CPVL: variants seen among roughly 807,000 people sequenced by gnomAD.
The protein encoded by CPVL is probable serine carboxypeptidase CPVL.
In CPVL, 51 loss-of-function variants were observed where a neutral mutation model predicts 63.7. The observed-to-expected ratio is 0.80, with a 90% CI of 0.64 to 1.01. The LOEUF (loss-of-function observed/expected upper bound fraction) is 1.01. Among genes scored for constraint, CPVL ranks in the 50% least tolerant of loss-of-function variants. CPVL has a pLI of 0.00. For missense variants in CPVL, 530 were observed against 573.1 expected (o/e 0.92, Z 0.77); for synonymous variants, 195 against 206.0 (o/e 0.95, Z 0.46).
At chr7:29,180,518 A>C (rs1328739905) in intron 5 of CPVL, among the ~76,000 whole-genome samples, 1 of 151,806 alleles carries the variant, frequency 6.6e-6, no homozygotes, top group African/African-American at 2.4e-5. Context: ...ACAGAGCGAC[A>C]GAGCAACAGA....
intron 12 of CPVL, chr7:29,010,757 T>C (rs1389419640): frequency 6.6e-6 from 1 of 152,192 alleles, no homozygotes; most frequent in East Asian, 1.9e-4. Context: ...CTAATGGCAA[T>C]AGAAACCAAC....
At chr7:29,102,686 G>A (rs1383775874) in intron 3 of CPVL, among the ~76,000 whole-genome samples, 4 of 151,962 alleles carry the variant, frequency 2.6e-5, no homozygotes, top group African/African-American at 9.7e-5. Context: ...GCCCTTTATT[G>A]GAGCACAAGA....
intron 12 of CPVL, among the ~76,000 whole-genome samples, chr7:29,017,569 G>A (rs1405598362): frequency 6.6e-6 from 1 of 152,210 alleles, no homozygotes; most frequent in African/African-American, 2.4e-5. Flanking sequence ...GGAGGTGGAG[G>A]TTGCAGTAAG....
intron 3 of CPVL, among the ~76,000 whole-genome samples, chr7:29,098,377 C>T (rs555702832): frequency 6.6e-6 from 1 of 152,094 alleles, no homozygotes; most frequent in Non-Finnish European, 1.5e-5. Flanking sequence ...GGGGGACCTG[C>T]TACAAGATAG....
At chr7:29,128,175 GTTTTTTTT>G (rs67806252) in intron 1 of CPVL, 155 of 139,680 alleles carry the variant, frequency 1.1e-3, no homozygotes, top group Middle Eastern at 8.1e-3. Flanking sequence ...AAAGTTAAGA[GTTTTTTTT>G]TTTTTTTTTT....
At chr7:29,131,347 T>C (rs750751763) in intron 1 of CPVL, among the ~76,000 whole-genome samples, 14 of 152,306 alleles carry the variant, frequency 9.2e-5, no homozygotes, top group Non-Finnish European at 1.8e-4. Context: ...AATGTGGCAA[T>C]GTCATCAGTT....
intron 5 of CPVL, among the ~76,000 whole-genome samples, chr7:29,161,220 G>T (rs1275114810): frequency 2.0e-5 from 3 of 152,004 alleles, no homozygotes; most frequent in Middle Eastern, 3.2e-3. Context: ...AGCACATGAG[G>T]GTTTGTGCAG....
At chr7:29,113,719 C>T in intron 2 of CPVL, 1 of 152,148 alleles carries the variant, frequency 6.6e-6, no homozygotes, top group Non-Finnish European at 1.5e-5. Context: ...ACACAGCAGT[C>T]AGGCTGCAGA....
At chr7:29,159,039 A>G (rs1434558393) in intron 5 of CPVL, among the ~76,000 whole-genome samples, 1 of 152,212 alleles carries the variant, frequency 6.6e-6, no homozygotes, top group Non-Finnish European at 1.5e-5. Context: ...TATCAGAGAA[A>G]ATTAAAACCT....
chr7:29,146,549 A>G (rs1792695730), upstream of CPVL: 7 of 1,527,022 alleles, frequency 4.6e-6, no homozygotes, highest in Non-Finnish European at 6.2e-6. Context: ...AGGACCCTGC[A>G]GAACTCGAGC....
chr7:29,096,616 C>T (rs942419151), intron 3 of CPVL, among the ~76,000 whole-genome samples: 1 of 152,188 alleles, frequency 6.6e-6, no homozygotes, highest in African/African-American at 2.4e-5. Flanking sequence ...AGAGGCACAA[C>T]AAAGAATCCA....
intron 6 of CPVL, 82 bp downstream of exon 6, chr7:29,092,541 T>C (rs917356020): frequency 4.9e-5 from 47 of 957,618 alleles, no homozygotes; most frequent in African/African-American, 4.7e-4. Flanking sequence ...TCAATAAAAA[T>C]TCCAACACTA....
intron 1 of CPVL, among the ~76,000 whole-genome samples, chr7:29,127,190 A>C (rs773790313): frequency 6.6e-6 from 1 of 152,122 alleles, no homozygotes; most frequent in Non-Finnish European, 1.5e-5. Flanking sequence ...TTGAAATCCC[A>C]CTCCAACCAG....
intron 12 of CPVL, among the ~76,000 whole-genome samples, chr7:29,006,217 C>A (rs535601164): frequency 6.6e-6 from 1 of 152,296 alleles, no homozygotes; most frequent in South Asian, 2.1e-4. Context: ...AGTATTTACA[C>A]TATGGAAATT....
At chr7:29,026,187 A>T (rs1584025261) in intron 12 of CPVL, among the ~76,000 whole-genome samples, 1 of 152,208 alleles carries the variant, frequency 6.6e-6, no homozygotes, top group East Asian at 1.9e-4. Context: ...CTGTATAAAC[A>T]CATGAAAATT....
At position 29,088,968 on chromosome 7, in the gene CPVL, C is replaced by T. The variant is rs549398340; in HGVS notation, c.543-2418G>A. On this transcript the variant is annotated intron_variant, in intron 6 of 12. Coordinates refer to ENST00000265394, the MANE Select transcript of CPVL (RefSeq NM_031311.5). ...CCAGCCTGGCGACATAGTGAGACTC[C>T]GTCTCAATAATAATAATAATACATA... 3.9e-5 allele frequency among the ~76,000 whole-genome samples: 6 copies of T among 152,148 alleles called. No individual in the cohort carries two copies. The East Asian group carries it at 7.8e-4, about 20-fold the overall frequency.
intron 6 of CPVL, among the ~76,000 whole-genome samples, chr7:29,090,160 G>T (rs952184463): frequency 2.0e-5 from 3 of 152,158 alleles, no homozygotes; most frequent in Non-Finnish European, 1.5e-5. Flanking sequence ...ACCACACCTG[G>T]CCACCCTTGA....
chr7:29,020,091 G>A (rs992970010), intron 12 of CPVL, among the ~76,000 whole-genome samples: 5 of 152,254 alleles, frequency 3.3e-5, no homozygotes, highest in South Asian at 4.1e-4. Flanking sequence ...GGGACTTGTC[G>A]CCCTGAAGCA....
At chr7:29,027,065 G>A (rs1787570601) in intron 12 of CPVL, among the ~76,000 whole-genome samples, 1 of 152,074 alleles carries the variant, frequency 6.6e-6, no homozygotes, top group South Asian at 2.1e-4. Flanking sequence ...TCTCCCTAAT[G>A]AATATAGATG....
Sources: allele counts gnomAD v4.1 joint callset (sites outside exome capture counted in the v4.1 genomes callset), GRCh38; gene constraint gnomAD v4.1.1; transcripts MANE v1.5; gene names NCBI Gene and HGNC (gene_info 2026-07-23, HGNC 2026-07-21).